The following WWOX variants were observed in gnomAD, a reference collection of about 807,000 sequenced individuals.
WWOX encodes the protein WW domain containing oxidoreductase.
A neutral mutation model predicts 46.2 loss-of-function variants in WWOX; 69 were observed. The observed-to-expected ratio is 1.49, with a 90% CI of 1.23 to 1.82. WWOX has a LOEUF of 1.82. Ranked by LOEUF, WWOX falls within the 40% of genes most tolerant of loss-of-function variation. WWOX has a pLI of 0.00. For missense variants in WWOX, 919 were observed against 542.6 expected, an observed-to-expected ratio of 1.69 and a Z score of -6.89; for synonymous variants, 359 against 202.6, an observed-to-expected ratio of 1.77 and a Z score of -6.56.
rs548202337 is a variant in WWOX at position 78,415,774 on chromosome 16, A to C, written c.606-9096A>C. On this transcript the variant is annotated intron_variant, in intron 6 of 8. Coordinates refer to ENST00000566780, the MANE Select transcript of WWOX (RefSeq NM_016373.4). ...TCTTGCCAGAAAGCCTGGCTCTGTC[A>C]TAAGGAATCTTGGCCCATTGTCACT... Among the ~76,000 whole-genome samples the C allele has an allele frequency of 4.6e-5, 7 of 152,326 alleles. No homozygotes were observed. The South Asian group carries it at 1.5e-3, about 32-fold the overall frequency.
intron 8 of WWOX, among the ~76,000 whole-genome samples, chr16:78,681,207 C>T (rs1597437951): frequency 6.6e-6 from 1 of 152,128 alleles, no homozygotes; most frequent in Admixed American, 6.5e-5. Context: ...CGAGATCATG[C>T]CACAGCCTGG....
chr16:79,131,164 G>C (rs1415059333), intron 8 of WWOX, among the ~76,000 whole-genome samples: 1 of 152,154 alleles, frequency 6.6e-6, no homozygotes, highest in Non-Finnish European at 1.5e-5. Flanking sequence ...GCAGGGATGA[G>C]CTCTCCTCTG....
intron 5 of WWOX, among the ~76,000 whole-genome samples, chr16:78,198,074 C>T (rs184132516): frequency 6.6e-6 from 1 of 152,146 alleles, no homozygotes; most frequent in East Asian, 1.9e-4. Context: ...CCACTGTCTC[C>T]TGGTAGCGGT....
intron 8 of WWOX, among the ~76,000 whole-genome samples, chr16:78,544,053 T>G (rs1213648534): frequency 6.7e-6 from 1 of 149,078 alleles, no homozygotes; most frequent in African/African-American, 2.4e-5. Context: ...GTTCCTAGAG[T>G]AGGAAAAGCC....
chr16:78,518,110 A>T (rs1384910641), intron 8 of WWOX, among the ~76,000 whole-genome samples: 2 of 152,166 alleles, frequency 1.3e-5, no homozygotes, highest in Admixed American at 6.5e-5. Context: ...TGTGCTCTCC[A>T]GTATTTTCAT....
At chr16:78,519,224 T>A (rs2151496002) in intron 8 of WWOX, among the ~76,000 whole-genome samples, 1 of 152,226 alleles carries the variant, frequency 6.6e-6, no homozygotes, top group East Asian at 1.9e-4. Context: ...CTGTGAAGAT[T>A]AAAAGGGTTT....
chr16:78,794,346 G>A (rs2050683894), intron 8 of WWOX, among the ~76,000 whole-genome samples: 1 of 152,052 alleles, frequency 6.6e-6, no homozygotes, highest in African/African-American at 2.4e-5. Flanking sequence ...GTCTCTCTCG[G>A]TCTGTTCTGG....
chr16:79,029,498 C>T (rs142073961), intron 8 of WWOX, among the ~76,000 whole-genome samples: 1 of 152,244 alleles, frequency 6.6e-6, no homozygotes, highest in African/African-American at 2.4e-5. Flanking sequence ...ATTTTAGGAT[C>T]TTGGGGCAGT....
At chr16:78,529,818 G>A (rs1417397523) in intron 8 of WWOX, among the ~76,000 whole-genome samples, 4 of 152,152 alleles carry the variant, frequency 2.6e-5, no homozygotes, top group Non-Finnish European at 4.4e-5. Flanking sequence ...TATAAAGGGA[G>A]CCAGCTATAC....
At chr16:78,773,724 T>C (rs187710294) in intron 8 of WWOX, among the ~76,000 whole-genome samples, 2 of 152,170 alleles carry the variant, frequency 1.3e-5, no homozygotes, top group East Asian at 3.9e-4. Context: ...TAACCCAAAA[T>C]GAGGAGTCCC....
chr16:78,956,616 G>GTCATA (rs138587691), intron 8 of WWOX, among the ~76,000 whole-genome samples: 23,829 of 151,508 alleles, frequency 0.16, 2,527 homozygotes, highest in Non-Finnish European at 0.23. Context: ...ATCATATCAT[G>GTCATA]TCATATCATA....
chr16:78,947,452 G>A (rs1567668227), intron 8 of WWOX, among the ~76,000 whole-genome samples: 1 of 152,190 alleles, frequency 6.6e-6, no homozygotes, highest in Non-Finnish European at 1.5e-5. Flanking sequence ...GATGAAAGGA[G>A]TGAGGAAACG....
At chr16:79,056,359 C>T (rs981430512) in intron 8 of WWOX, among the ~76,000 whole-genome samples, 2 of 152,156 alleles carry the variant, frequency 1.3e-5, no homozygotes, top group African/African-American at 4.8e-5. Flanking sequence ...GACTGTAATA[C>T]ATGGAGGAGT....
intron 8 of WWOX, among the ~76,000 whole-genome samples, chr16:79,012,412 T>C (rs889219951): frequency 6.6e-6 from 1 of 152,144 alleles, no homozygotes; most frequent in Non-Finnish European, 1.5e-5. Flanking sequence ...TTTGCATTTT[T>C]AGTAGAGATG....
At chr16:78,205,404 C>G (rs771715975) in intron 5 of WWOX, among the ~76,000 whole-genome samples, 2 of 152,108 alleles carry the variant, frequency 1.3e-5, no homozygotes, top group Non-Finnish European at 2.9e-5. Flanking sequence ...ATCCAACCGT[C>G]CTTGCATCCA....
At chr16:78,386,117 T>G (rs2082055260) in intron 5 of WWOX, among the ~76,000 whole-genome samples, 1 of 152,214 alleles carries the variant, frequency 6.6e-6, no homozygotes, top group Non-Finnish European at 1.5e-5. Context: ...TGTACTCAAT[T>G]TCCTATCTCT....
chr16:78,477,903 A>G (rs1393333025), intron 8 of WWOX, among the ~76,000 whole-genome samples: 3 of 152,208 alleles, frequency 2.0e-5, no homozygotes, highest in African/African-American at 7.2e-5. Flanking sequence ...AAAGATATGG[A>G]AAAAGATATT....
chr16:79,147,799 A>G (rs930749994), intron 8 of WWOX, among the ~76,000 whole-genome samples: 1 of 152,094 alleles, frequency 6.6e-6, no homozygotes, highest in African/African-American at 2.4e-5. Flanking sequence ...GTGATATTTC[A>G]CTGTGGTTTT....
At chr16:78,549,455 C>G (rs949730692) in intron 8 of WWOX, among the ~76,000 whole-genome samples, 4 of 152,094 alleles carry the variant, frequency 2.6e-5, no homozygotes, top group Admixed American at 6.5e-5. Context: ...TTCAGGGTTT[C>G]CCATTCAGTC....
Sources: gnomAD v4.1 joint callset for allele counts (sites outside exome capture counted in the v4.1 genomes callset) on GRCh38, gnomAD v4.1.1 for gene constraint, MANE v1.5 for transcripts, NCBI Gene and HGNC (gene_info 2026-07-23, HGNC 2026-07-21) for gene names.